The following PABPC4L variants were observed in gnomAD, a reference collection of about 807,000 sequenced individuals.
PABPC4L encodes the protein poly(A) binding protein cytoplasmic 4 like, also known as polyadenylate-binding protein 4-like.
For synonymous variants in PABPC4L, 169 were observed against 164.1 expected (o/e 1.03, Z -0.23); for missense variants, 452 against 451.4 (o/e 1.00, Z -0.01).
the PABPC4L span, among the ~76,000 whole-genome samples, chr4:133,972,080 G>A: frequency 6.6e-6 from 1 of 152,076 alleles, no homozygotes. Context: ...ACTTGTCCAG[G>A]ACTCTACCAA....
chr4:134,041,160 G>C, the PABPC4L span, among the ~76,000 whole-genome samples: 1 of 152,158 alleles, frequency 6.6e-6, no homozygotes, highest in Non-Finnish European at 1.5e-5. Flanking sequence ...GTGGAAGACA[G>C]TATGGTGACT....
chr4:134,082,865 G>A, the PABPC4L span, among the ~76,000 whole-genome samples: 1 of 151,926 alleles, frequency 6.6e-6, no homozygotes, highest in Non-Finnish European at 1.5e-5. Context: ...TCTTTGTTAC[G>A]GCAACATGAT....
At chr4:134,158,821 T>A in the PABPC4L span, among the ~76,000 whole-genome samples, 572 of 152,240 alleles carry the variant, frequency 3.8e-3, 2 homozygotes, top group African/African-American at 0.013. Context: ...TTTGTCATCC[T>A]GGGGATATTA....
At chr4:134,109,836 G>A in the PABPC4L span, among the ~76,000 whole-genome samples, 2 of 151,620 alleles carry the variant, frequency 1.3e-5, no homozygotes, top group African/African-American at 4.8e-5. Flanking sequence ...CTGCCTTCCA[G>A]GTTCAAGCAA....
At chr4:134,075,157 AG>A in the PABPC4L span, among the ~76,000 whole-genome samples, 1 of 152,182 alleles carries the variant, frequency 6.6e-6, no homozygotes, top group East Asian at 1.9e-4. Context: ...GGAGAAGTTC[AG>A]GGTTTTGAGT....
chr4:134,003,660 C>G, the PABPC4L span, among the ~76,000 whole-genome samples: 1 of 151,796 alleles, frequency 6.6e-6, no homozygotes, highest in Non-Finnish European at 1.5e-5. Context: ...TGCCCATGTT[C>G]AGGGAGTTTA....
At chr4:134,046,394 G>A in the PABPC4L span, among the ~76,000 whole-genome samples, 2 of 151,934 alleles carry the variant, frequency 1.3e-5, no homozygotes, top group East Asian at 1.9e-4. Flanking sequence ...AGCATATTTC[G>A]CCTCCAGCCA....
At chr4:133,950,014 G>T in the PABPC4L span, among the ~76,000 whole-genome samples, 1 of 152,178 alleles carries the variant, frequency 6.6e-6, no homozygotes, top group Non-Finnish European at 1.5e-5. Flanking sequence ...TTAGTTTTAA[G>T]ATGAGTTTGC....
the PABPC4L span, among the ~76,000 whole-genome samples, chr4:133,953,395 A>T: frequency 1.7e-3 from 261 of 152,236 alleles, no homozygotes; most frequent in African/African-American, 6.0e-3. Context: ...TTCCCTCAGT[A>T]ATTCCTCAAT....
the PABPC4L span, among the ~76,000 whole-genome samples, chr4:134,110,628 T>C: frequency 6.6e-6 from 1 of 150,614 alleles, no homozygotes; most frequent in Non-Finnish European, 1.5e-5. Flanking sequence ...GATTAAAAGA[T>C]TGGTTCTAGG....
chr4:134,043,789 A>G, the PABPC4L span, among the ~76,000 whole-genome samples: 1 of 152,108 alleles, frequency 6.6e-6, no homozygotes, highest in Non-Finnish European at 1.5e-5. Context: ...AACTGACCCT[A>G]ATTTCTGACT....
the PABPC4L span, among the ~76,000 whole-genome samples, chr4:134,015,534 G>A: frequency 2.0e-5 from 3 of 152,202 alleles, no homozygotes; most frequent in East Asian, 1.9e-4. Context: ...CTGCTGCAAG[G>A]CTTCACAGAC....
the PABPC4L span, among the ~76,000 whole-genome samples, chr4:134,050,706 C>CAAAAAAAAAAAAAAAAAAA: frequency 6.0e-5 from 5 of 83,014 alleles, no homozygotes; most frequent in African/African-American, 1.1e-4. Flanking sequence ...CACCGTCTCC[C>CAAAAAAAAAAAAAAAAAAA]AAAAAAAAAA....
chr4:134,099,507 T>C, the PABPC4L span, among the ~76,000 whole-genome samples: 2 of 151,776 alleles, frequency 1.3e-5, no homozygotes, highest in African/African-American at 2.4e-5. Context: ...CTTGCTAGAA[T>C]TCCAGATGAT....
At chr4:134,091,517 T>C in the PABPC4L span, among the ~76,000 whole-genome samples, 8 of 152,008 alleles carry the variant, frequency 5.3e-5, no homozygotes, top group African/African-American at 1.9e-4. Context: ...TCCAGTATAA[T>C]AGTACAATGT....
chr4:134,090,343 T>C, the PABPC4L span, among the ~76,000 whole-genome samples: 1 of 152,140 alleles, frequency 6.6e-6, no homozygotes, highest in African/African-American at 2.4e-5. Flanking sequence ...AATACTTTAA[T>C]AGTTTCATTT....
the PABPC4L span, among the ~76,000 whole-genome samples, chr4:134,101,549 A>G: frequency 1.1e-4 from 17 of 151,502 alleles, no homozygotes; most frequent in African/African-American, 3.6e-4. Context: ...TACAGAAAAA[A>G]AAAAGAATCT....
At chr4:134,099,393 T>C in the PABPC4L span, among the ~76,000 whole-genome samples, 1 of 151,664 alleles carries the variant, frequency 6.6e-6, no homozygotes, top group African/African-American at 2.4e-5. Context: ...ATAAATATAC[T>C]TAACCTTTAT....
chr4:134,185,792 G>C, the PABPC4L span, among the ~76,000 whole-genome samples: 6 of 152,056 alleles, frequency 3.9e-5, 1 homozygote, highest in Non-Finnish European at 8.8e-5. Context: ...AAACCCCATC[G>C]TCTCAACCCA....
Sources: gnomAD v4.1 joint callset for allele counts (sites outside exome capture counted in the v4.1 genomes callset) on GRCh38, gnomAD v4.1.1 for gene constraint, MANE v1.5 for transcripts, NCBI Gene and HGNC (gene_info 2026-07-23, HGNC 2026-07-21) for gene names.